The following ASIC2 variants were observed in gnomAD, a reference collection of about 807,000 sequenced individuals.
The protein encoded by ASIC2 is acid-sensing ion channel 2.
ASIC2 carries 25 observed loss-of-function variants against 57.3 expected under a neutral mutation model. The ratio of observed to expected loss-of-function variants is 0.44; its 90% CI spans 0.32 to 0.61. The LOEUF (loss-of-function observed/expected upper bound fraction) is 0.61, where lower values mean the gene tolerates loss of function less well. ASIC2 is among the 20% of genes least tolerant of loss of function. The pLI, the probability that ASIC2 is intolerant of heterozygous loss-of-function variation, is 0.06. For synonymous variants in ASIC2, 319 were observed against 307.5 expected, an observed-to-expected ratio of 1.04 and a Z score of -0.39; for missense variants, 641 against 738.1, an observed-to-expected ratio of 0.87 and a Z score of 1.52.
chr17:33,212,971 G>A (rs942928511), intron 1 of ASIC2, among the ~76,000 whole-genome samples: 3 of 152,146 alleles, frequency 2.0e-5, no homozygotes, highest in African/African-American at 7.2e-5. Flanking sequence ...CAAGTGTCGT[G>A]ACTTCTCAGA....
chr17:33,903,910 T>C (rs1405188899), intron 1 of ASIC2, among the ~76,000 whole-genome samples: 1 of 152,116 alleles, frequency 6.6e-6, no homozygotes, highest in Non-Finnish European at 1.5e-5. Flanking sequence ...ATGCCTGTAA[T>C]CCGAGCACTT....
At chr17:33,532,780 G>A (rs1409028847) in intron 1 of ASIC2, among the ~76,000 whole-genome samples, 2 of 152,140 alleles carry the variant, frequency 1.3e-5, no homozygotes, top group Non-Finnish European at 1.5e-5. Context: ...AGATAGCCTC[G>A]ATAGAATCGA....
intron 1 of ASIC2, among the ~76,000 whole-genome samples, chr17:33,839,830 C>G (rs1400121167): frequency 6.6e-6 from 1 of 152,174 alleles, no homozygotes; most frequent in Non-Finnish European, 1.5e-5. Context: ...TTGGTTCCAG[C>G]CTCCAGCTCC....
intron 1 of ASIC2, among the ~76,000 whole-genome samples, chr17:33,895,435 C>T (rs1037120431): frequency 4.6e-5 from 7 of 152,146 alleles, no homozygotes; most frequent in African/African-American, 1.7e-4. Context: ...GGCCACCACA[C>T]CCGGCCTGAA....
chr17:33,905,958 T>C (rs2141956203), intron 1 of ASIC2, among the ~76,000 whole-genome samples: 1 of 152,052 alleles, frequency 6.6e-6, no homozygotes, highest in South Asian at 2.1e-4. Context: ...GTTGGGACTA[T>C]AGGCACAAGC....
At chr17:33,810,734 T>C (rs1912394185) in intron 1 of ASIC2, among the ~76,000 whole-genome samples, 12 of 152,182 alleles carry the variant, frequency 7.9e-5, no homozygotes, top group Admixed American at 7.9e-4. Context: ...CGCTACATTG[T>C]TATTTATAGA....
intron 1 of ASIC2, among the ~76,000 whole-genome samples, chr17:33,942,093 T>C (rs1916203996): frequency 6.6e-6 from 1 of 152,128 alleles, no homozygotes; most frequent in South Asian, 2.1e-4. Flanking sequence ...AGACAACAGC[T>C]GGACCAAGTT....
chr17:33,578,822 G>C (rs1392056237), intron 1 of ASIC2, among the ~76,000 whole-genome samples: 1 of 152,104 alleles, frequency 6.6e-6, no homozygotes, highest in Admixed American at 6.5e-5. Context: ...TATAGTTCAG[G>C]GACTGTAATT....
At chr17:34,007,679 G>A (rs951682532) in intron 1 of ASIC2, among the ~76,000 whole-genome samples, 1 of 152,180 alleles carries the variant, frequency 6.6e-6, no homozygotes, top group Non-Finnish European at 1.5e-5. Flanking sequence ...AGCATTCTGT[G>A]CCACCTCTCC....
chr17:33,679,069 A>T (rs1432919123), intron 1 of ASIC2, among the ~76,000 whole-genome samples: 1 of 152,232 alleles, frequency 6.6e-6, no homozygotes, highest in East Asian at 1.9e-4. Context: ...TAAGTTTGGG[A>T]TCAGACATAT....
chr17:34,130,247 C>T (rs559951505), intron 1 of ASIC2, among the ~76,000 whole-genome samples: 1 of 152,140 alleles, frequency 6.6e-6, no homozygotes, highest in African/African-American at 2.4e-5. Context: ...CCCAGCAAAG[C>T]TCCTTAAACC....
chr17:33,710,952 T>A (rs1909014742), intron 1 of ASIC2, among the ~76,000 whole-genome samples: 1 of 151,042 alleles, frequency 6.6e-6, no homozygotes. Flanking sequence ...TTATTTTTAA[T>A]TTTAATTTTT....
intron 1 of ASIC2, among the ~76,000 whole-genome samples, chr17:33,747,524 T>A (rs1382247923): frequency 6.6e-6 from 1 of 152,106 alleles, no homozygotes; most frequent in African/African-American, 2.4e-5. Context: ...TGCCTGGCCA[T>A]CCTTCCCACA....
chr17:33,231,202 G>C (rs1186080323), intron 1 of ASIC2, among the ~76,000 whole-genome samples: 2 of 152,180 alleles, frequency 1.3e-5, no homozygotes, highest in Non-Finnish European at 2.9e-5. Flanking sequence ...GCACGTTCTC[G>C]CTATCAGGGT....
chr17:33,304,771 C>T lies in ASIC2; in HGVS notation c.556-192704G>A, dbSNP rs556306935. 5.3e-5 allele frequency among the ~76,000 whole-genome samples: 8 copies of T among 152,222 alleles called. No homozygotes were observed. In the East Asian group the frequency reaches 1.2e-3, roughly 22 times the overall value. ...CCCATAATAAAAACAAACTCAGATG[C>T]GAAACTGTCCCCAATCAGGTGGTGT... On this transcript the variant is annotated intron_variant, in intron 1 of 9. Transcript: ENST00000359872.
chr17:33,291,035 A>G (rs1269075263), intron 1 of ASIC2: 1 of 234,772 alleles, frequency 4.3e-6, no homozygotes, highest in East Asian at 8.0e-5. Flanking sequence ...TAAGAGATCT[A>G]CACTCCAAAC....
intron 1 of ASIC2, among the ~76,000 whole-genome samples, chr17:33,898,698 G>A (rs538054461): frequency 6.6e-6 from 1 of 152,072 alleles, no homozygotes; most frequent in Non-Finnish European, 1.5e-5. Flanking sequence ...ATGCCACGTG[G>A]CATTTTGTCA....
intron 1 of ASIC2, among the ~76,000 whole-genome samples, chr17:33,554,550 T>G (rs1272087245): frequency 6.6e-6 from 1 of 152,158 alleles, no homozygotes; most frequent in Non-Finnish European, 1.5e-5. Context: ...GGCCTGGGGT[T>G]GCCAGTTCAA....
At chr17:33,172,517 C>A (rs933626205) in intron 1 of ASIC2, among the ~76,000 whole-genome samples, 1 of 152,144 alleles carries the variant, frequency 6.6e-6, no homozygotes, top group Non-Finnish European at 1.5e-5. Context: ...GTCCTTACCC[C>A]CTAGGAGACA....
Sources: gnomAD v4.1 joint callset for allele counts (sites outside exome capture counted in the v4.1 genomes callset) on GRCh38, gnomAD v4.1.1 for gene constraint, MANE v1.5 for transcripts, NCBI Gene and HGNC (gene_info 2026-07-23, HGNC 2026-07-21) for gene names.